Variants in CCSER2 observed in about 807,000 individuals in gnomAD.
The protein encoded by CCSER2 is coiled-coil serine rich protein 2.
In CCSER2, 46 loss-of-function variants were observed where a neutral mutation model predicts 92.3. The ratio of observed to expected loss-of-function variants is 0.50; its 90% CI spans 0.39 to 0.64. The LOEUF (loss-of-function observed/expected upper bound fraction) is 0.64. CCSER2 is among the 30% of genes least tolerant of loss of function. The pLI is 0.00. For missense variants in CCSER2, 1,244 were observed against 1,238.9 expected (o/e 1.00, Z -0.06); for synonymous variants, 433 against 431.4 (o/e 1.00, Z -0.04).
At chr10:84,368,384 GA>G (rs1205742667) in intron 1 of CCSER2, among the ~76,000 whole-genome samples, 2 of 151,572 alleles carry the variant, frequency 1.3e-5, no homozygotes, top group African/African-American at 4.8e-5. Context: ...GTTTTCTGCT[GA>G]AAAAAACCAC....
intron 3 of CCSER2, among the ~76,000 whole-genome samples, chr10:84,398,303 G>C (rs1841948288): frequency 1.3e-5 from 2 of 151,954 alleles, no homozygotes; most frequent in South Asian, 4.2e-4. Flanking sequence ...TATACATTGG[G>C]CCCCCTCAGA....
chr10:84,448,281 TTGACTC>T (rs1193629367), intron 6 of CCSER2, among the ~76,000 whole-genome samples: 27 of 152,290 alleles, frequency 1.8e-4, no homozygotes, highest in African/African-American at 2.4e-5. Context: ...TCACTCTTCT[TTGACTC>T]TGATAGCCCA....
chr10:84,352,149 A>G (rs1036453467), intron 1 of CCSER2, among the ~76,000 whole-genome samples: 2 of 151,980 alleles, frequency 1.3e-5, no homozygotes, highest in Non-Finnish European at 2.9e-5. Context: ...AAATATAAAA[A>G]AAAAATTAGC....
intron 8 of CCSER2, among the ~76,000 whole-genome samples, chr10:84,472,771 G>C (rs1158216502): frequency 6.6e-6 from 1 of 151,988 alleles, no homozygotes. Flanking sequence ...TTTAACCTCA[G>C]AATGTATCTT....
At chr10:84,389,159 G>A in intron 3 of CCSER2, 1 of 238,140 alleles carries the variant, frequency 4.2e-6, no homozygotes, top group Non-Finnish European at 8.4e-6. Flanking sequence ...TTTCCTTTGT[G>A]CTTCTTAACT....
At chr10:84,425,102 T>C in intron 4 of CCSER2, 1 of 974,100 alleles carries the variant, frequency 1.0e-6, no homozygotes, top group Non-Finnish European at 1.2e-6. Flanking sequence ...GTTTTTGTGG[T>C]ATTTGGGTTT....
At chr10:84,399,284 G>A (rs768519431) in intron 3 of CCSER2, among the ~76,000 whole-genome samples, 1 of 152,106 alleles carries the variant, frequency 6.6e-6, no homozygotes, top group East Asian at 1.9e-4. Context: ...AGAGCATGTG[G>A]TATGTGACTT....
At chr10:84,335,706 C>T (rs886607567) in intron 1 of CCSER2, among the ~76,000 whole-genome samples, 1 of 152,104 alleles carries the variant, frequency 6.6e-6, no homozygotes, top group Admixed American at 6.5e-5. Context: ...CCAGAAGGTA[C>T]TTTGAATTGT....
At chr10:84,481,852 A>C (rs987769490) in intron 9 of CCSER2, among the ~76,000 whole-genome samples, 2 of 152,100 alleles carry the variant, frequency 1.3e-5, no homozygotes, top group Non-Finnish European at 2.9e-5. Context: ...CAGAATTGAG[A>C]ATGCCCTACT....
chr10:84,508,597 C>G (rs1373497082), intron 9 of CCSER2, among the ~76,000 whole-genome samples: 1 of 152,130 alleles, frequency 6.6e-6, no homozygotes, highest in Admixed American at 6.5e-5. Context: ...AGAAAGTTCT[C>G]TCTAAACTTG....
intron 9 of CCSER2, among the ~76,000 whole-genome samples, chr10:84,506,151 A>C (rs1037763725): frequency 3.4e-4 from 51 of 151,972 alleles, no homozygotes; most frequent in African/African-American, 1.2e-3. Context: ...TAAAAAAAAA[A>C]AAACCAAACC....
At chr10:84,506,409 A>C (rs1849045796) in intron 9 of CCSER2, among the ~76,000 whole-genome samples, 1 of 152,172 alleles carries the variant, frequency 6.6e-6, no homozygotes, top group Admixed American at 6.5e-5. Context: ...ATACAAATTA[A>C]GTCTTTCTAT....
chr10:84,386,612 G>A (rs1414298401), intron 3 of CCSER2, among the ~76,000 whole-genome samples: 1 of 152,162 alleles, frequency 6.6e-6, no homozygotes, highest in African/African-American at 2.4e-5. Context: ...CCAGCTATTC[G>A]GGAGGCTGAG....
At chr10:84,334,569 CT>C (rs1286027361) in intron 1 of CCSER2, among the ~76,000 whole-genome samples, 9 of 152,132 alleles carry the variant, frequency 5.9e-5, no homozygotes, top group African/African-American at 2.2e-4. Flanking sequence ...TCCATGAGCA[CT>C]GAAGTTTTTT....
At chr10:84,372,574 C>T (rs1846123003) in intron 2 of CCSER2, 105 bp downstream of exon 2, 2 of 747,524 alleles carry the variant, frequency 2.7e-6, no homozygotes, top group South Asian at 2.1e-5. Context: ...ATCAGTTTCA[C>T]GGAGGGATAG....
At chr10:84,385,727 G>A (rs768100408) in intron 3 of CCSER2, among the ~76,000 whole-genome samples, 3 of 152,122 alleles carry the variant, frequency 2.0e-5, no homozygotes, top group Non-Finnish European at 4.4e-5. Context: ...AAAAGTAAAT[G>A]CAACAAATCA....
chr10:84,362,883 C>A (rs938328465), intron 1 of CCSER2, among the ~76,000 whole-genome samples: 4 of 151,946 alleles, frequency 2.6e-5, no homozygotes, highest in Admixed American at 2.6e-4. Context: ...GTCACCCAGG[C>A]TGGAGTGCAA....
chr10:84,441,734 ATGTTTTTTTTTTTTTTTTTTTTTTTTTTT>A (rs1445797588), intron 6 of CCSER2, among the ~76,000 whole-genome samples: 3 of 106,408 alleles, frequency 2.8e-5, no homozygotes, highest in Non-Finnish European at 5.5e-5. Flanking sequence ...GACTGGGAAA[ATGTTTTTTTTTTTTTTTTTTTTTTTTTTT>A]TTTTTTTTTT....
chr10:84,368,364 T>C (rs1252137645), intron 1 of CCSER2, among the ~76,000 whole-genome samples: 1 of 152,172 alleles, frequency 6.6e-6, no homozygotes, highest in Non-Finnish European at 1.5e-5. Context: ...TTACAGTGTG[T>C]AACTGATAGG....
Sources: allele counts gnomAD v4.1 joint callset (sites outside exome capture counted in the v4.1 genomes callset), GRCh38; gene constraint gnomAD v4.1.1; transcripts MANE v1.5; gene names NCBI Gene and HGNC (gene_info 2026-07-23, HGNC 2026-07-21).